The following LTBP2 variants were observed in gnomAD, a reference collection of about 807,000 sequenced individuals.
LTBP2 encodes latent-transforming growth factor beta-binding protein 2.
Under a neutral mutation model 210.6 loss-of-function variants are expected in LTBP2, and 103 were observed. That is an observed-to-expected ratio of 0.49 (90% confidence interval 0.42 to 0.58). The LOEUF is 0.58. LTBP2 is among the 20% of genes least tolerant of loss of function. The probability of loss-of-function intolerance (pLI) is 0.00; values close to 1 mark genes in which losing one functional copy is unlikely to be tolerated. For missense variants in LTBP2, 2,313 were observed against 2,494.5 expected (o/e 0.93, Z 1.55); for synonymous variants, 1,007 against 1,015.0 (o/e 0.99, Z 0.15).
At chr14:74,532,378 A>G (rs2087361511) in intron 10 of LTBP2, 48 bp downstream of exon 10, 2 of 1,610,560 alleles carry the variant, frequency 1.2e-6, no homozygotes, top group East Asian at 2.2e-5. Context: ...GAAGTGTCCC[A>G]TCTTGTCTCC....
At chr14:74,542,275 G>A (rs1290179655) in intron 8 of LTBP2, among the ~76,000 whole-genome samples, 6 of 152,222 alleles carry the variant, frequency 3.9e-5, no homozygotes, top group Non-Finnish European at 7.3e-5. Context: ...GAAGAAAGAA[G>A]CAGATGGGCC....
chr14:74,512,023 G>A (rs1218357965), intron 18 of LTBP2, among the ~76,000 whole-genome samples: 1 of 152,216 alleles, frequency 6.6e-6, no homozygotes, highest in African/African-American at 2.4e-5. Context: ...GGTTAAGCCT[G>A]GACACCAAAT....
At chr14:74,506,003 G>A in intron 28 of LTBP2, 45 bp downstream of exon 28, 1 of 1,613,034 alleles carries the variant, frequency 6.2e-7, no homozygotes, top group East Asian at 2.2e-5. Context: ...CACGCTCTCT[G>A]TAAACCTCTG....
intron 26 of LTBP2, 102 bp downstream of exon 26, chr14:74,507,077 C>T: frequency 1.3e-6 from 2 of 1,597,242 alleles, no homozygotes; most frequent in Non-Finnish European, 1.7e-6. Flanking sequence ...CTACAATCAG[C>T]TGCAAAAAAT....
intron 2 of LTBP2, among the ~76,000 whole-genome samples, chr14:74,590,120 C>T (rs1457330160): frequency 6.6e-6 from 1 of 152,158 alleles, no homozygotes; most frequent in Admixed American, 6.5e-5. Context: ...GCCAGAATGG[C>T]CATTACTAAA....
chr14:74,601,412 T>C (rs1049613132), intron 2 of LTBP2, among the ~76,000 whole-genome samples: 1 of 151,986 alleles, frequency 6.6e-6, no homozygotes, highest in Non-Finnish European at 1.5e-5. Context: ...TAAATAAAAA[T>C]AAATAATGAG....
chr14:74,603,605 G>C (rs535188917), intron 2 of LTBP2, 30 bp downstream of exon 2: 1 of 1,609,960 alleles, frequency 6.2e-7, no homozygotes, highest in East Asian at 2.2e-5. Flanking sequence ...TTGATAGAGC[G>C]GAGTGTCTGC....
intron 2 of LTBP2, among the ~76,000 whole-genome samples, chr14:74,594,225 C>G (rs1161418242): frequency 2.0e-5 from 3 of 152,136 alleles, no homozygotes; most frequent in African/African-American, 4.8e-5. Context: ...CCCTACCCCC[C>G]GGGCAAGGCG....
intron 3 of LTBP2, among the ~76,000 whole-genome samples, chr14:74,585,113 A>G (rs2088186746): frequency 6.6e-6 from 1 of 152,230 alleles, no homozygotes; most frequent in Non-Finnish European, 1.5e-5. Flanking sequence ...TCCTGTCCTG[A>G]GCTAGAAAAA....
At chr14:74,503,649 T>C in intron 31 of LTBP2, 43 bp from the exon 32 acceptor site, 1 of 1,609,744 alleles carries the variant, frequency 6.2e-7, no homozygotes, top group Non-Finnish European at 8.5e-7. Flanking sequence ...AGGTGGCCTT[T>C]CCACCAACCA....
chr14:74,546,673 G>T (rs1595267318), intron 8 of LTBP2, among the ~76,000 whole-genome samples: 1 of 152,168 alleles, frequency 6.6e-6, no homozygotes, highest in East Asian at 1.9e-4. Context: ...GTGTGTTGGG[G>T]GAGGGGTACA....
chr14:74,534,185 T>A (rs1243240843), intron 9 of LTBP2, among the ~76,000 whole-genome samples: 1 of 152,174 alleles, frequency 6.6e-6, no homozygotes, highest in Non-Finnish European at 1.5e-5. Flanking sequence ...TGGGCCTCCA[T>A]ACCCAAATCT....
chr14:74,603,423 G>A (rs141706357), intron 2 of LTBP2, among the ~76,000 whole-genome samples: 17 of 152,284 alleles, frequency 1.1e-4, no homozygotes, highest in African/African-American at 3.6e-4. Flanking sequence ...CACCGCTCCC[G>A]GCCCCAGCTA....
intron 9 of LTBP2, among the ~76,000 whole-genome samples, chr14:74,535,641 A>T (rs2087410480): frequency 6.6e-6 from 1 of 152,188 alleles, no homozygotes; most frequent in African/African-American, 2.4e-5. Context: ...GCCCCTTCAG[A>T]CACAGCCCCA....
intron 3 of LTBP2, among the ~76,000 whole-genome samples, chr14:74,580,553 A>G (rs759567307): frequency 1.3e-5 from 2 of 152,232 alleles, no homozygotes; most frequent in Non-Finnish European, 2.9e-5. Context: ...CTTCTCCCTC[A>G]GAGTCTCAGA....
chr14:74,540,242 G>A (rs2139731988), intron 8 of LTBP2, among the ~76,000 whole-genome samples: 1 of 152,296 alleles, frequency 6.6e-6, no homozygotes, highest in Admixed American at 6.5e-5. Flanking sequence ...GGAGGCTGAG[G>A]CGAGTGAATC....
chr14:74,537,771 T>A (rs1003490169), intron 8 of LTBP2, among the ~76,000 whole-genome samples: 1 of 152,224 alleles, frequency 6.6e-6, no homozygotes, highest in African/African-American at 2.4e-5. Flanking sequence ...CTTCTTTTTT[T>A]TGAGATGGAG....
At chr14:74,528,873 G>A (rs537542304) in intron 11 of LTBP2, 85 bp downstream of exon 11, 5 of 1,559,598 alleles carry the variant, frequency 3.2e-6, no homozygotes, top group East Asian at 2.3e-5. Flanking sequence ...CTTCCAGATT[G>A]AGGGAAGTCT....
At chr14:74,603,577 G>A (rs2139807735) in intron 2 of LTBP2, 58 bp downstream of exon 2, 1 of 1,564,544 alleles carries the variant, frequency 6.4e-7, no homozygotes, top group East Asian at 2.2e-5. Flanking sequence ...GAGTAGGGTG[G>A]GGAATGGCAC....
Sources: allele counts gnomAD v4.1 joint callset (sites outside exome capture counted in the v4.1 genomes callset), GRCh38; gene constraint gnomAD v4.1.1; transcripts MANE v1.5; gene names NCBI Gene and HGNC (gene_info 2026-07-23, HGNC 2026-07-21).